KIRREL3: variants seen among roughly 807,000 people sequenced by gnomAD.
KIRREL3 encodes kin of IRRE-like protein 3.
Under a neutral mutation model 89.7 loss-of-function variants are expected in KIRREL3, and 36 were observed. That is an observed-to-expected ratio of 0.40 (90% CI 0.31 to 0.53). The LOEUF (loss-of-function observed/expected upper bound fraction) is 0.53. Among genes scored for constraint, KIRREL3 ranks in the 20% least tolerant of loss-of-function variants. The pLI is 0.49. For synonymous variants in KIRREL3, 445 were observed against 441.4 expected (o/e 1.01, Z -0.10); for missense variants, 864 against 1,056.6 (o/e 0.82, Z 2.53).
chr11:126,628,986 A>G lies in KIRREL3; in HGVS notation c.56-66074T>C, dbSNP rs1565604320. 6.6e-6 allele frequency among the ~76,000 whole-genome samples: 1 copy of G among 152,242 alleles called. No individual in the cohort carries two copies. The highest frequency in any genetic ancestry group is 1.5e-5 in the Non-Finnish European group (1 of 68,044). On this transcript the variant is annotated intron_variant, in intron 1 of 16. Transcript: ENST00000525144. The surrounding 1 kb of genome is among the most constrained non-coding windows in gnomAD (Gnocchi z 5.2). ...TTAAAGGGCACGTCCTAATGAAGGG[A>G]GCCAGGAATGACTGGCCATGGAATG... is the stretch of plus-strand genomic sequence containing the variant.
rs1374605065 is a variant in KIRREL3 at position 126,771,418 on chromosome 11, C to T, written c.56-208506G>A. Among the ~76,000 whole-genome samples the T allele has an allele frequency of 6.6e-6, 1 of 152,194 alleles. No homozygotes were observed. Among genetic ancestry groups the T allele is most frequent in the East Asian group, 1.9e-4 (1 of 5,194 alleles). ...CCCTGCACTGTGCCCTGCCTGGAAT[C>T]TCCTTCATGGTATTTAAAGCTGTTA... On this transcript the variant is annotated intron_variant, in intron 1 of 16. Transcript: ENST00000525144. The surrounding 1 kb of genome is among the most constrained non-coding windows in gnomAD (Gnocchi z 4.4).
Position 126,992,854 on chromosome 11 carries a change from A to G in KIRREL3, c.55+7601T>C, listed in dbSNP as rs141844105. On this transcript the variant is annotated intron_variant, in intron 1 of 16. Coordinates refer to ENST00000525144, the MANE Select transcript of KIRREL3 (RefSeq NM_032531.4). ...ATTCCTCAATGCACTCTTTCTGCTC[A>G]AGTCCAGCGTGCAGCCAGCAGTCCT... Among the ~76,000 whole-genome samples, 108 of 152,314 alleles carry G rather than the reference A, an allele frequency of 7.1e-4. 3 individuals carry two copies. The highest frequency in any genetic ancestry group is 1.9e-3 in the South Asian group (9 of 4,822).
intron 1 of KIRREL3, among the ~76,000 whole-genome samples, chr11:126,665,588 A>C (rs1461658979): frequency 6.6e-6 from 1 of 152,224 alleles, no homozygotes; most frequent in Non-Finnish European, 1.5e-5. Flanking sequence ...ATGTGAGGAC[A>C]GAGAAAGAAG....
rs547472766 is a variant in KIRREL3 at position 126,578,037 on chromosome 11, G to C, written c.56-15125C>G. Among the ~76,000 whole-genome samples the C allele has an allele frequency of 7.2e-5, 11 of 152,248 alleles. 1 individual carries two copies. The South Asian group carries it at 2.3e-3, about 32-fold the overall frequency. On this transcript the variant is annotated intron_variant, in intron 1 of 16. Transcript: ENST00000525144. The surrounding 1 kb of genome is among the most constrained non-coding windows in gnomAD (Gnocchi z 4.9). ...GGAAGCTGTGGTTTTCATTTTTGGA[G>C]AGTTTAAATAATTTTAGAGTTCTTC...
intron 1 of KIRREL3, among the ~76,000 whole-genome samples, chr11:126,829,478 G>C (rs1592189428): frequency 6.9e-6 from 1 of 144,312 alleles, no homozygotes; most frequent in East Asian, 2.1e-4. Context: ...CTCAGAGGTA[G>C]AGTAAGCTGC....
At chr11:126,625,520 C>T (rs1943747014) in intron 1 of KIRREL3, among the ~76,000 whole-genome samples, 1 of 152,132 alleles carries the variant, frequency 6.6e-6, no homozygotes, top group Admixed American at 6.5e-5. Context: ...TGAAACAAGA[C>T]AAATCCAATC....
intron 1 of KIRREL3, among the ~76,000 whole-genome samples, chr11:126,888,386 C>T (rs1024048634): frequency 6.7e-6 from 1 of 148,238 alleles, no homozygotes; most frequent in Non-Finnish European, 1.5e-5. Context: ...AGATTCTCAC[C>T]AGGGCCCGTG....
Position 126,978,719 on chromosome 11 carries a change from G to T in KIRREL3, c.55+21736C>A, listed in dbSNP as rs779553518. Among the ~76,000 whole-genome samples, 1 of 152,124 alleles carries T rather than the reference G, an allele frequency of 6.6e-6. No individual in the cohort carries two copies. The highest frequency in any genetic ancestry group is 6.5e-5 in the Admixed American group (1 of 15,272). ...AATGTCCACTCTGCCCTGGAGCTTT[G>T]CTTCATGGTGGGAGTTTCTCTGAGC... On this transcript the variant is annotated intron_variant, in intron 1 of 16. Coordinates refer to ENST00000525144, the MANE Select transcript of KIRREL3 (RefSeq NM_032531.4). This position sits in a 1 kb window ranked among gnomAD's most constrained non-coding sequence, Gnocchi z 4.2.
intron 1 of KIRREL3, among the ~76,000 whole-genome samples, chr11:126,674,646 C>A (rs1679407347): frequency 6.6e-6 from 1 of 152,186 alleles, no homozygotes; most frequent in South Asian, 2.1e-4. Context: ...AGATTCTTTT[C>A]ATTTCTCTTC....
At chr11:126,850,881 G>A (rs891054602) in intron 1 of KIRREL3, among the ~76,000 whole-genome samples, 2 of 152,286 alleles carry the variant, frequency 1.3e-5, no homozygotes, top group African/African-American at 2.4e-5. Context: ...TCCACAGCCA[G>A]GCCAAAGCAG....
intron 1 of KIRREL3, among the ~76,000 whole-genome samples, chr11:126,809,532 G>A (rs1003238892): frequency 6.6e-6 from 1 of 152,210 alleles, no homozygotes; most frequent in African/African-American, 2.4e-5. Context: ...AAAGAAGGGA[G>A]AGGCAACAAG....
intron 1 of KIRREL3, among the ~76,000 whole-genome samples, chr11:126,662,906 C>CTT (rs756193928): frequency 0.019 from 1,731 of 91,882 alleles, 100 homozygotes; most frequent in African/African-American, 0.067. Flanking sequence ...AAAGTCCTTT[C>CTT]TTTTTTTTTT....
intron 1 of KIRREL3, among the ~76,000 whole-genome samples, chr11:126,862,211 G>A (rs991812554): frequency 6.6e-6 from 1 of 152,202 alleles, no homozygotes; most frequent in Non-Finnish European, 1.5e-5. Flanking sequence ...GAGATGCTAG[G>A]GTAATAGGGC....
chr11:126,526,833 G>C lies in KIRREL3; in HGVS notation c.134-146C>G, dbSNP rs1958776737. On this transcript the variant is annotated intron_variant, in intron 2 of 16. Transcript: ENST00000525144. The surrounding 1 kb of genome is among the most constrained non-coding windows in gnomAD (Gnocchi z 5.7). ...GCTTTCCTGCTGAGGGTCTGGTAGA[G>C]CTTCCTAACTGGTCTCAGCCCCAGC... 2.3e-6 allele frequency: 2 copies of C among 869,504 alleles called. No individual in the cohort carries two copies. The highest frequency in any genetic ancestry group is 3.5e-6 in the Non-Finnish European group (2 of 566,414). The allele number at this position is 869,504 out of a possible 1,614,324, so 53.9% of individuals were successfully genotyped here.
intron 2 of KIRREL3, among the ~76,000 whole-genome samples, chr11:126,554,869 C>T (rs560392309): frequency 1.4e-4 from 21 of 152,246 alleles, no homozygotes; most frequent in Middle Eastern, 3.4e-3. Context: ...GTAACACAAG[C>T]GGCTGAGCGT....
chr11:126,937,610 A>T (rs1297389449), intron 1 of KIRREL3, among the ~76,000 whole-genome samples: 3 of 152,220 alleles, frequency 2.0e-5, no homozygotes, highest in Non-Finnish European at 4.4e-5. Flanking sequence ...CCATAAAAAA[A>T]CAGCAGTTGG....
At chr11:126,832,668 T>C (rs1943648001) in intron 1 of KIRREL3, among the ~76,000 whole-genome samples, 1 of 152,230 alleles carries the variant, frequency 6.6e-6, no homozygotes, top group Non-Finnish European at 1.5e-5. Flanking sequence ...GGAAGGGCTC[T>C]GCTCTCAGAA....
At chr11:126,787,735 C>T (rs987370613) in intron 1 of KIRREL3, among the ~76,000 whole-genome samples, 3 of 152,168 alleles carry the variant, frequency 2.0e-5, no homozygotes, top group African/African-American at 7.2e-5. Flanking sequence ...ATGCTCTCAG[C>T]TTGTGCCTTT....
intron 4 of KIRREL3, among the ~76,000 whole-genome samples, chr11:126,478,911 G>A (rs922498108): frequency 2.0e-5 from 3 of 152,182 alleles, no homozygotes; most frequent in Non-Finnish European, 4.4e-5. Flanking sequence ...ACTCTGCGCT[G>A]CTGTGGCATC....
Sources: gnomAD v4.1 joint callset for allele counts (sites outside exome capture counted in the v4.1 genomes callset) on GRCh38, gnomAD v4.1.1 for gene constraint, Gnocchi (gnomAD v3.1) non-coding constraint, MANE v1.5 for transcripts, NCBI Gene and HGNC (gene_info 2026-07-23, HGNC 2026-07-21) for gene names.